Variants in SAE1 observed in about 807,000 individuals in gnomAD.
SAE1 encodes the protein SUMO-activating enzyme subunit 1.
In SAE1, 11 loss-of-function variants were observed where a neutral mutation model predicts 40.6. The ratio of observed to expected loss-of-function variants is 0.27; its 90% CI spans 0.17 to 0.45. The LOEUF (loss-of-function observed/expected upper bound fraction) is 0.45. Among genes scored for constraint, SAE1 ranks in the 20% least tolerant of loss-of-function variants. SAE1 has a pLI of 1.00. For synonymous variants in SAE1, 155 were observed against 154.3 expected (o/e 1.00, Z -0.03); for missense variants, 373 against 427.3 (o/e 0.87, Z 1.12).
chr19:47,187,406 C>A (rs2081838699), intron 6 of SAE1, among the ~76,000 whole-genome samples: 1 of 152,134 alleles, frequency 6.6e-6, no homozygotes, highest in Non-Finnish European at 1.5e-5. Context: ...GCTGAGTATT[C>A]CATGTGTAGC....
At chr19:47,188,754 T>C (rs1255142972) in intron 6 of SAE1, among the ~76,000 whole-genome samples, 1 of 151,996 alleles carries the variant, frequency 6.6e-6, no homozygotes, top group East Asian at 1.9e-4. Flanking sequence ...GAATAGGGAG[T>C]CTAGAGCTGT....
At position 47,155,211 on chromosome 19, in the gene SAE1, A is replaced by C. The variant is rs1448455832; in HGVS notation, c.625A>C (p.Lys209Gln). The C allele has an allele frequency of 6.2e-7, 1 of 1,610,278 alleles. No homozygotes were observed. The highest frequency in any genetic ancestry group is 1.1e-5 in the South Asian group (1 of 90,980). The change falls in exon 5 of 9, where the codon AAG (lysine) becomes CAG (glutamine). Residue 209 changes from lysine (K) to glutamine (Q), a missense_variant and splice_region_variant. Lys to Gln is a moderately conservative substitution (Grantham distance 53, BLOSUM62 1). This residue lies in a region of SAE1 where 351 missense variants were observed against 390.6 expected (regional missense o/e 0.90). Coordinates refer to ENST00000270225, the MANE Select transcript of SAE1 (RefSeq NM_005500.3). ...TTCTTCTGAGACAACGATGGTCAAA[A>C]AGGTATGTGTAACGTGGGGGCAGAG... Reference protein sequence around the residue: ...LDSSETTMVKKKVVFCPVKEA... With the variant: ...LDSSETTMVKQKVVFCPVKEA...
At chr19:47,153,109 GTATT>G (rs754654639) in intron 4 of SAE1, 69 bp downstream of exon 4, 510 of 1,351,284 alleles carry the variant, frequency 3.8e-4, no homozygotes, top group African/African-American at 9.3e-4. Flanking sequence ...TTTAAATTAT[GTATT>G]TATTTATGTG....
chr19:47,155,668 C>T (rs1261797306), intron 5 of SAE1, among the ~76,000 whole-genome samples: 1 of 147,380 alleles, frequency 6.8e-6, no homozygotes, highest in Admixed American at 6.7e-5. Flanking sequence ...TCTCGAACTC[C>T]TGACCTCAGG....
chr19:47,209,259 A>G lies in SAE1; in HGVS notation c.*8A>G. The G allele has an allele frequency of 6.2e-7, 1 of 1,614,160 alleles. No individual in the cohort carries two copies. The highest frequency in any genetic ancestry group is 1.6e-4 in the Middle Eastern group (1 of 6,062). Reference sequence around the variant, plus strand: ...TGCCTTGGCCCCAAGTGAACTCAAGATTTGGCAGCCCCAGAGATGCCAACT... The same window carrying G: ...TGCCTTGGCCCCAAGTGAACTCAAGGTTTGGCAGCCCCAGAGATGCCAACT... On this transcript the variant is annotated 3_prime_UTR_variant, in exon 9 of 9. Coordinates refer to ENST00000270225, the MANE Select transcript of SAE1 (RefSeq NM_005500.3).
chr19:47,172,700 C>CA (rs1217353384), intron 6 of SAE1, among the ~76,000 whole-genome samples: 5 of 143,024 alleles, frequency 3.5e-5, no homozygotes, highest in South Asian at 2.2e-4. Flanking sequence ...ACTCCATCTC[C>CA]AAAAAAAAGG....
intron 5 of SAE1, among the ~76,000 whole-genome samples, 157 bp from the exon 6 acceptor site, chr19:47,169,661 T>C (rs2058418368): frequency 6.6e-6 from 1 of 152,182 alleles, no homozygotes; most frequent in African/African-American, 2.4e-5. Flanking sequence ...ACACAGTGAG[T>C]GTTCAATAAG....
rs541501306 is a variant in SAE1 at position 47,130,842 on chromosome 19, G to C, written c.-89G>C. 2.6e-6 allele frequency: 4 copies of C among 1,539,624 alleles called. No individual in the cohort carries two copies. In the African/African-American group the frequency reaches 5.5e-5, roughly 21 times the overall value. On this transcript the variant is annotated 5_prime_UTR_variant, in exon 1 of 9. Transcript: ENST00000270225. ...CTGCGCATGCGCAGAAGCACTCCGG[G>C]CGTGCTGCCGGCGGCGGTAGGTGGC...
At chr19:47,201,955 G>A (rs2123321350) in intron 7 of SAE1, among the ~76,000 whole-genome samples, 1 of 152,168 alleles carries the variant, frequency 6.6e-6, no homozygotes, top group African/African-American at 2.4e-5. Context: ...GTATTTTAGA[G>A]CTCTGTAGTG....
At chr19:47,162,192 A>G (rs2058363239) in intron 5 of SAE1, among the ~76,000 whole-genome samples, 1 of 152,136 alleles carries the variant, frequency 6.6e-6, no homozygotes, top group South Asian at 2.1e-4. Context: ...GTTTTTTGCT[A>G]GAGTCTTTGT....
intron 1 of SAE1, 81 bp from the exon 2 acceptor site, chr19:47,143,413 T>G: frequency 8.3e-7 from 1 of 1,197,812 alleles, no homozygotes; most frequent in Non-Finnish European, 1.2e-6. Context: ...CAAACCAAAA[T>G]GATTTGTGTA....
chr19:47,179,288 C>T (rs2058490989), intron 6 of SAE1, among the ~76,000 whole-genome samples: 1 of 151,728 alleles, frequency 6.6e-6, no homozygotes, highest in Non-Finnish European at 1.5e-5. Context: ...GGTGGATTGC[C>T]TGAGCTCAGA....
rs763784694 is a variant in SAE1 at position 47,209,290 on chromosome 19, A to G, written c.*39A>G. The G allele has an allele frequency of 1.2e-6, 2 of 1,614,018 alleles. No individual in the cohort carries two copies. The highest frequency in any genetic ancestry group is 1.7e-6 in the Non-Finnish European group (2 of 1,180,030). ...CAGCCCCAGAGATGCCAACTGCAGC[A>G]TGCCCACCTGTATTCCCTGTCCCCT... On this transcript the variant is annotated 3_prime_UTR_variant, in exon 9 of 9. Coordinates refer to ENST00000270225, the MANE Select transcript of SAE1 (RefSeq NM_005500.3).
chr19:47,163,767 T>C (rs1294286028), intron 5 of SAE1, among the ~76,000 whole-genome samples: 1 of 152,076 alleles, frequency 6.6e-6, no homozygotes, highest in Non-Finnish European at 1.5e-5. Context: ...AGGATGCACG[T>C]AGAGTATATG....
Position 47,131,036 on chromosome 19 carries a change from C to T in SAE1, c.98+8C>T. On this transcript the variant is annotated splice_region_variant and intron_variant, in intron 1 of 8. Transcript: ENST00000270225. ...ACTGGAGGCCCAGAAACGGTCAGGG[C>T]CGGCGCGGCTTGAGGCCGCTAGGGT... 6.5e-7 allele frequency: 1 copy of T among 1,528,184 alleles called. No individual in the cohort carries two copies. The highest frequency in any genetic ancestry group is 8.8e-7 in the Non-Finnish European group (1 of 1,137,352). The allele number at this position is 1,528,184 out of a possible 1,614,324, so 94.7% of individuals were successfully genotyped here. A position where few individuals can be genotyped will look rare whatever the true frequency, so the allele number is the denominator to read the frequency against.
At chr19:47,191,751 T>G (rs2058579251) in intron 6 of SAE1, among the ~76,000 whole-genome samples, 1 of 152,016 alleles carries the variant, frequency 6.6e-6, no homozygotes, top group African/African-American at 2.4e-5. Context: ...ATCTTTTGGT[T>G]TGAAAACATA....
At chr19:47,136,900 C>T (rs764172689) in intron 1 of SAE1, among the ~76,000 whole-genome samples, 12 of 152,010 alleles carry the variant, frequency 7.9e-5, no homozygotes, top group Non-Finnish European at 1.3e-4. Flanking sequence ...TCTAAGAGGG[C>T]TCTAGGTGGG....
chr19:47,146,143 T>C (rs2058254495), intron 2 of SAE1, among the ~76,000 whole-genome samples: 1 of 152,034 alleles, frequency 6.6e-6, no homozygotes, highest in Admixed American at 6.6e-5. Context: ...AAAAGTAGTT[T>C]GGTGTTTTTA....
intron 5 of SAE1, among the ~76,000 whole-genome samples, chr19:47,168,330 CTG>C (rs1240421579): frequency 2.0e-5 from 3 of 152,090 alleles, no homozygotes; most frequent in Non-Finnish European, 4.4e-5. Flanking sequence ...CTCTCTCTCT[CTG>C]TTTTTTCTGT....
Sources: allele counts gnomAD v4.1 joint callset (sites outside exome capture counted in the v4.1 genomes callset), GRCh38; gene constraint gnomAD v4.1.1; regional missense constraint gnomAD v4.1.1; transcripts MANE v1.5; gene names NCBI Gene and HGNC (gene_info 2026-07-23, HGNC 2026-07-21).